The following ILRUN variants were observed in gnomAD, a reference collection of about 807,000 sequenced individuals.
The protein encoded by ILRUN is inflammation and lipid regulator with UBA-like and NBR1-like domains.
A neutral mutation model predicts 33.8 loss-of-function variants in ILRUN; 3 were observed. That is an observed-to-expected ratio of 0.09 (90% confidence interval 0.04 to 0.23). The LOEUF is 0.23. Ranked by LOEUF, ILRUN falls within the 10% of genes least tolerant of loss-of-function variation. The pLI, the probability that ILRUN is intolerant of heterozygous loss-of-function variation, is 1.00. For synonymous variants in ILRUN, 124 were observed against 138.9 expected (o/e 0.89, Z 0.75); for missense variants, 210 against 375.1 (o/e 0.56, Z 3.64).
intron 3 of ILRUN, among the ~76,000 whole-genome samples, chr6:34,621,116 G>A (rs969244868): frequency 2.0e-5 from 3 of 152,076 alleles, no homozygotes; most frequent in Non-Finnish European, 4.4e-5. Flanking sequence ...AGTTTACAAC[G>A]ACACTTACAA....
intron 1 of ILRUN, among the ~76,000 whole-genome samples, chr6:34,679,454 G>GA (rs533175881): frequency 6.6e-6 from 1 of 152,066 alleles, no homozygotes; most frequent in South Asian, 2.1e-4. Context: ...TTAACTACAA[G>GA]AAATGTTCAA....
intron 1 of ILRUN, among the ~76,000 whole-genome samples, chr6:34,670,844 CAAAAAAAA>C (rs201024054): frequency 1.0e-3 from 60 of 58,562 alleles, no homozygotes; most frequent in African/African-American, 3.6e-3. Context: ...GACCCTGTCT[CAAAAAAAA>C]AAAAAAAAAA....
intron 3 of ILRUN, chr6:34,616,872 G>A: frequency 1.5e-6 from 1 of 666,616 alleles, no homozygotes. Flanking sequence ...ATCTTTAATG[G>A]AACTTTTGTG....
At chr6:34,626,991 C>T (rs1196439119) in intron 3 of ILRUN, among the ~76,000 whole-genome samples, 3 of 151,156 alleles carry the variant, frequency 2.0e-5, no homozygotes, top group Non-Finnish European at 4.4e-5. Flanking sequence ...GGCAACAGAG[C>T]GAAACTCCAT....
At chr6:34,676,746 T>C (rs1218401600) in intron 1 of ILRUN, among the ~76,000 whole-genome samples, 1 of 148,718 alleles carries the variant, frequency 6.7e-6, no homozygotes, top group African/African-American at 2.6e-5. Flanking sequence ...AAATAAGACT[T>C]CACCAGCAAT....
At chr6:34,624,232 T>A (rs1208189459) in intron 3 of ILRUN, among the ~76,000 whole-genome samples, 3 of 152,244 alleles carry the variant, frequency 2.0e-5, no homozygotes, top group Non-Finnish European at 4.4e-5. Flanking sequence ...AAATTTAGAA[T>A]AAGATATTGA....
At chr6:34,651,810 T>G (rs1762676865) in intron 2 of ILRUN, among the ~76,000 whole-genome samples, 1 of 121,810 alleles carries the variant, frequency 8.2e-6, no homozygotes. Context: ...TTTTTTTTTT[T>G]GAGATGGAGT....
In ILRUN at chr6:34,646,909, A is replaced by G. The variant is rs2127360114; in HGVS notation, c.314-111T>C. The G allele has an allele frequency of 2.2e-6, 2 of 908,136 alleles. No individual in the cohort carries two copies. The highest frequency in any genetic ancestry group is 3.0e-5 in the South Asian group (2 of 66,736). 56.3% of individuals were successfully genotyped at this position (908,136 alleles called of 1,614,324 possible). On this transcript the variant is annotated intron_variant, in intron 2 of 4. Transcript: ENST00000374023. This position sits in a 1 kb window ranked among gnomAD's most constrained non-coding sequence, Gnocchi z 4.9. ...CTTTCTTTTTCTCACATACATACAT[A>G]AACCTAACCACATATACCTAAGCCA...
At chr6:34,633,903 G>A (rs1248356179) in intron 3 of ILRUN, among the ~76,000 whole-genome samples, 47 of 122,434 alleles carry the variant, frequency 3.8e-4, no homozygotes, top group Non-Finnish European at 7.6e-4. Context: ...GAGGGAGGGA[G>A]GGAGGGAGGG....
Position 34,589,433 on chromosome 6 carries a change from C to T in ILRUN, c.*1132G>A, listed in dbSNP as rs1276526302. 6.6e-6 allele frequency: 1 copy of T among 152,304 alleles called. No individual in the cohort carries two copies. Among genetic ancestry groups the T allele is most frequent in the Non-Finnish European group, 1.5e-5 (1 of 68,080 alleles). 9.4% of individuals were successfully genotyped at this position (152,304 alleles called of 1,614,324 possible). A position where few individuals can be genotyped will look rare whatever the true frequency, so the allele number is the denominator to read the frequency against. On this transcript the variant is annotated 3_prime_UTR_variant, in exon 5 of 5. Coordinates refer to ENST00000374023, the MANE Select transcript of ILRUN (RefSeq NM_024294.4). Reference sequence around the variant, plus strand: ...GGCCCTTCCCCATGACAAATTCCCCCTTTGGGGCTGTATTTTCATACCTCT... The same window carrying T: ...GGCCCTTCCCCATGACAAATTCCCCTTTTGGGGCTGTATTTTCATACCTCT...
At chr6:34,656,838 A>G (rs1439852343) in intron 1 of ILRUN, among the ~76,000 whole-genome samples, 1 of 152,252 alleles carries the variant, frequency 6.6e-6, no homozygotes, top group Non-Finnish European at 1.5e-5. Flanking sequence ...TGAAATTACA[A>G]TACCAATGGC....
rs73745010 is a variant in ILRUN, at chr6:34,589,013, C to T, written c.*1552G>A. The T allele has an allele frequency of 0.016, 2,521 of 152,886 alleles. 30 individuals are homozygous for T. Among genetic ancestry groups the T allele is most frequent in the Middle Eastern group, 0.034 (10 of 294 alleles). 9.5% of individuals were successfully genotyped at this position (152,886 alleles called of 1,614,324 possible). A position where few individuals can be genotyped will look rare whatever the true frequency, so the allele number is the denominator to read the frequency against. Reference sequence around the variant, plus strand: ...CTCCCTGCCTGTCTCACACCCTCACCCACCACCCAGCTGGATGGGGGTGTG... The same window carrying T: ...CTCCCTGCCTGTCTCACACCCTCACTCACCACCCAGCTGGATGGGGGTGTG... On this transcript the variant is annotated 3_prime_UTR_variant, in exon 5 of 5. Coordinates refer to ENST00000374023, the MANE Select transcript of ILRUN (RefSeq NM_024294.4).
intron 4 of ILRUN, chr6:34,595,936 T>C: frequency 1.0e-6 from 1 of 984,930 alleles, no homozygotes; most frequent in Non-Finnish European, 1.2e-6. Flanking sequence ...TCCTTTTGTA[T>C]CACTTATGTA....
chr6:34,628,461 C>G (rs1174287096), intron 3 of ILRUN, among the ~76,000 whole-genome samples: 1 of 152,070 alleles, frequency 6.6e-6, no homozygotes, highest in Non-Finnish European at 1.5e-5. Context: ...GTAGCTGGGA[C>G]TACTCCAGCT....
intron 3 of ILRUN, among the ~76,000 whole-genome samples, chr6:34,627,764 C>T (rs1762167912): frequency 6.8e-6 from 1 of 147,064 alleles, no homozygotes; most frequent in Non-Finnish European, 1.5e-5. Flanking sequence ...AGTGCAATGG[C>T]GTGATCTCGG....
intron 4 of ILRUN, among the ~76,000 whole-genome samples, chr6:34,593,668 GTTGT>G (rs1211775888): frequency 1.3e-5 from 2 of 152,266 alleles, no homozygotes; most frequent in East Asian, 1.9e-4. Flanking sequence ...TAGAGTTGTT[GTTGT>G]TTAATTGGAA....
chr6:34,647,644 A>G (rs1395782120), intron 2 of ILRUN, among the ~76,000 whole-genome samples: 1 of 152,140 alleles, frequency 6.6e-6, no homozygotes, highest in African/African-American at 2.4e-5. Flanking sequence ...GGCTCACTGC[A>G]ACCTCCGCCT....
At chr6:34,642,993 G>A (rs1049421570) in intron 3 of ILRUN, among the ~76,000 whole-genome samples, 4 of 149,136 alleles carry the variant, frequency 2.7e-5, no homozygotes, top group Non-Finnish European at 5.9e-5. Context: ...AAAAAAAAAA[G>A]GAAAGAATGA....
chr6:34,668,731 T>C (rs1166038402), intron 1 of ILRUN, among the ~76,000 whole-genome samples: 1 of 152,010 alleles, frequency 6.6e-6, no homozygotes, highest in Non-Finnish European at 1.5e-5. Context: ...TGGAGTGCAG[T>C]AGCAGGATTA....
Sources: gnomAD v4.1 joint callset for allele counts (sites outside exome capture counted in the v4.1 genomes callset) on GRCh38, gnomAD v4.1.1 for gene constraint, Gnocchi (gnomAD v3.1) non-coding constraint, MANE v1.5 for transcripts, NCBI Gene and HGNC (gene_info 2026-07-23, HGNC 2026-07-21) for gene names.